Variants in PACRG observed in about 807,000 individuals in gnomAD.
PACRG encodes parkin coregulated.
PACRG carries 29 observed loss-of-function variants against 29.7 expected under a neutral mutation model. The observed-to-expected ratio is 0.98, with a 90% CI of 0.73 to 1.33. The LOEUF is 1.33. Among genes scored for constraint, PACRG ranks in the 40% most tolerant of loss-of-function variants. PACRG has a pLI of 0.00. For synonymous variants in PACRG, 116 were observed against 118.7 expected (o/e 0.98, Z 0.15); for missense variants, 279 against 316.2 (o/e 0.88, Z 0.89).
chr6:162,836,534 C>T (rs1038525359), intron 2 of PACRG, among the ~76,000 whole-genome samples: 2 of 152,040 alleles, frequency 1.3e-5, no homozygotes, highest in Admixed American at 6.6e-5. Context: ...TACATCATAC[C>T]GTCCTTTCTG....
intron 2 of PACRG, among the ~76,000 whole-genome samples, chr6:162,914,501 CTTTTTTGT>C (rs1796550440): frequency 1.4e-5 from 1 of 73,208 alleles, no homozygotes; most frequent in Admixed American, 1.7e-4. Flanking sequence ...AAGTTTTGTA[CTTTTTTGT>C]TTTTTTTTTT....
At chr6:163,113,049 A>T (rs1815796293) in intron 4 of PACRG, among the ~76,000 whole-genome samples, 1 of 152,168 alleles carries the variant, frequency 6.6e-6, no homozygotes, top group Non-Finnish European at 1.5e-5. Flanking sequence ...AAAAAAATTT[A>T]AAAAGTCTAA....
intron 2 of PACRG, among the ~76,000 whole-genome samples, chr6:162,824,892 T>A (rs1457435390): frequency 6.6e-6 from 1 of 152,238 alleles, no homozygotes; most frequent in Non-Finnish European, 1.5e-5. Flanking sequence ...ATCATAATTC[T>A]TAATCCTTTA....
chr6:163,067,320 C>A (rs1193486946), intron 3 of PACRG, among the ~76,000 whole-genome samples: 1 of 152,144 alleles, frequency 6.6e-6, no homozygotes, highest in Non-Finnish European at 1.5e-5. Context: ...CGCCCCAGGC[C>A]CCACCAAAGA....
chr6:163,188,404 C>A (rs546391828), intron 4 of PACRG, among the ~76,000 whole-genome samples: 1 of 152,140 alleles, frequency 6.6e-6, no homozygotes, highest in African/African-American at 2.4e-5. Context: ...TTTAAGCCCC[C>A]GAAGCTACAG....
At chr6:163,119,207 C>T (rs1304635001) in intron 4 of PACRG, among the ~76,000 whole-genome samples, 2 of 152,256 alleles carry the variant, frequency 1.3e-5, no homozygotes, top group Non-Finnish European at 2.9e-5. Context: ...TCCTGCTCTA[C>T]AGCTAGACTC....
chr6:163,024,983 G>T (rs1806989724), intron 2 of PACRG, among the ~76,000 whole-genome samples: 1 of 152,108 alleles, frequency 6.6e-6, no homozygotes, highest in African/African-American at 2.4e-5. Flanking sequence ...AGCCTTTATT[G>T]AGATATGGTT....
chr6:163,008,044 G>A (rs770850252), intron 2 of PACRG, among the ~76,000 whole-genome samples: 31 of 152,234 alleles, frequency 2.0e-4, no homozygotes, highest in African/African-American at 6.3e-4. Context: ...TTGTTGTACT[G>A]GATTTACAAA....
intron 1 of PACRG, among the ~76,000 whole-genome samples, chr6:162,756,991 C>CA (rs1409973707): frequency 1.3e-5 from 2 of 151,942 alleles, no homozygotes; most frequent in Non-Finnish European, 2.9e-5. Context: ...TTTCTGGACT[C>CA]ACGATTCTGT....
chr6:163,067,973 A>G (rs524738), intron 3 of PACRG, among the ~76,000 whole-genome samples: 75,101 of 152,172 alleles, frequency 0.49, 21,273 homozygotes, highest in East Asian at 0.96. Context: ...TATTATTTTC[A>G]AAATGTTCAG....
chr6:162,993,225 G>C (rs966314933), intron 2 of PACRG, among the ~76,000 whole-genome samples: 3 of 151,404 alleles, frequency 2.0e-5, no homozygotes, highest in African/African-American at 7.3e-5. Context: ...CTGTTGATTT[G>C]GGGTGGAGAG....
At chr6:162,946,058 A>T (rs1798979628) in intron 2 of PACRG, among the ~76,000 whole-genome samples, 1 of 152,088 alleles carries the variant, frequency 6.6e-6, no homozygotes, top group South Asian at 2.1e-4. Flanking sequence ...TGTCAAAAAA[A>T]TAGATTTCAA....
intron 1 of PACRG, among the ~76,000 whole-genome samples, chr6:162,762,268 A>G (rs1327208519): frequency 6.6e-6 from 1 of 152,218 alleles, no homozygotes; most frequent in African/African-American, 2.4e-5. Flanking sequence ...AGAGTTCAGC[A>G]GGTTGAGAAT....
intron 4 of PACRG, among the ~76,000 whole-genome samples, chr6:163,158,130 A>G (rs1315449253): frequency 1.3e-5 from 2 of 152,222 alleles, no homozygotes; most frequent in Admixed American, 1.3e-4. Flanking sequence ...TCTTAGGTAC[A>G]TGAAGAAAAC....
At chr6:163,168,874 C>T (rs1381015799) in intron 4 of PACRG, among the ~76,000 whole-genome samples, 1 of 151,700 alleles carries the variant, frequency 6.6e-6, no homozygotes, top group Non-Finnish European at 1.5e-5. Context: ...TATTCTAATG[C>T]AAAATATGGA....
At chr6:163,231,344 T>A (rs1038785952) in intron 4 of PACRG, among the ~76,000 whole-genome samples, 1 of 152,248 alleles carries the variant, frequency 6.6e-6, no homozygotes, top group South Asian at 2.1e-4. Flanking sequence ...GTCTGTGTCA[T>A]GTTAATCACA....
chr6:162,890,097 T>G (rs1562703329), intron 2 of PACRG, among the ~76,000 whole-genome samples: 1 of 152,264 alleles, frequency 6.6e-6, no homozygotes, highest in Non-Finnish European at 1.5e-5. Flanking sequence ...GAGATTAAAA[T>G]GTATTACATT....
chr6:162,996,517 A>G (rs1804070077), intron 2 of PACRG, among the ~76,000 whole-genome samples: 1 of 152,188 alleles, frequency 6.6e-6, no homozygotes, highest in African/African-American at 2.4e-5. Context: ...ACAGAAACTG[A>G]GAAAAATGAA....
intron 4 of PACRG, among the ~76,000 whole-genome samples, chr6:163,240,947 A>G (rs1284338071): frequency 6.6e-6 from 1 of 152,218 alleles, no homozygotes; most frequent in Admixed American, 6.5e-5. Flanking sequence ...AAGACTTCTC[A>G]TAACATCTGC....
Sources: allele counts gnomAD v4.1 joint callset (sites outside exome capture counted in the v4.1 genomes callset), GRCh38; gene constraint gnomAD v4.1.1; transcripts MANE v1.5; gene names NCBI Gene and HGNC (gene_info 2026-07-23, HGNC 2026-07-21).